The following LAMA1 variants were observed in gnomAD, a reference collection of about 807,000 sequenced individuals.
The protein encoded by LAMA1 is laminin subunit alpha-1.
A neutral mutation model predicts 348.7 loss-of-function variants in LAMA1; 219 were observed. The observed-to-expected ratio is 0.63, with a 90% CI of 0.56 to 0.70. LAMA1 has a LOEUF of 0.70. Ranked by LOEUF, LAMA1 falls within the 30% of genes least tolerant of loss-of-function variation. LAMA1 has a pLI of 0.00. For missense variants in LAMA1, 3,744 were observed against 3,888.0 expected, an observed-to-expected ratio of 0.96 and a Z score of 0.99; for synonymous variants, 1,487 against 1,491.0, an observed-to-expected ratio of 1.00 and a Z score of 0.06.
intron 31 of LAMA1, 88 bp downstream of exon 31, chr18:6,999,823 C>T: frequency 7.6e-7 from 1 of 1,320,488 alleles, no homozygotes; most frequent in South Asian, 1.2e-5. Flanking sequence ...TTGATAATGG[C>T]TCCCAGATTA....
At chr18:7,093,633 T>C (rs1221721837) in intron 1 of LAMA1, among the ~76,000 whole-genome samples, 1 of 152,012 alleles carries the variant, frequency 6.6e-6, no homozygotes, top group Non-Finnish European at 1.5e-5. Context: ...CTAGGAAAAA[T>C]GCTAACATGA....
In LAMA1 at chr18:7,117,457, G is replaced by C. The variant is rs909065651; in HGVS notation, c.61+203C>G. Among the ~76,000 whole-genome samples the C allele has an allele frequency of 3.3e-5, 5 of 152,262 alleles. No homozygotes were observed. In the East Asian group the frequency reaches 9.7e-4, roughly 30 times the overall value. The stretch of plus-strand genomic sequence containing the variant: ...GTTAAAGCCTAAGCCTGCAAAGAGC[G>C]GGCAGCGTCCGGCAGGAGCGGCGTC... On this transcript the variant is annotated intron_variant, in intron 1 of 62. Coordinates refer to ENST00000389658, the MANE Select transcript of LAMA1 (RefSeq NM_005559.4).
intron 46 of LAMA1, among the ~76,000 whole-genome samples, chr18:6,974,233 A>ATG (rs2057671204): frequency 6.6e-6 from 1 of 152,050 alleles, no homozygotes; most frequent in African/African-American, 2.4e-5. Context: ...TTTTAAAAAA[A>ATG]TTTTTTGAAT....
chr18:7,070,740 C>T (rs1244030056), intron 3 of LAMA1, among the ~76,000 whole-genome samples: 18 of 152,106 alleles, frequency 1.2e-4, no homozygotes, highest in Admixed American at 1.0e-3. Context: ...ATTTTCAATG[C>T]CATAGGGAAC....
intron 25 of LAMA1, among the ~76,000 whole-genome samples, chr18:7,011,042 T>A (rs1182337002): frequency 6.6e-6 from 1 of 152,226 alleles, no homozygotes; most frequent in Admixed American, 6.5e-5. Flanking sequence ...ACTGTATATG[T>A]CTGTTGAATG....
In LAMA1 at chr18:6,985,419, A is replaced by G; in HGVS notation, c.5497-19T>C. On this transcript the variant is annotated intron_variant, in intron 38 of 62. Transcript: ENST00000389658. ...CTAAGTGCTACATGGAGAAATTAATATTGTAAATATATGCACATCTACTTA... is the reference window on the plus strand; with the variant it reads ...CTAAGTGCTACATGGAGAAATTAATGTTGTAAATATATGCACATCTACTTA... 1 of 1,613,810 alleles carries G rather than the reference A, an allele frequency of 6.2e-7. No individual in the cohort carries two copies. Among genetic ancestry groups the G allele is most frequent in the Non-Finnish European group, 8.5e-7 (1 of 1,179,632 alleles).
chr18:6,976,920 T>C (rs1235784593), intron 44 of LAMA1, among the ~76,000 whole-genome samples: 1 of 152,196 alleles, frequency 6.6e-6, no homozygotes, highest in Non-Finnish European at 1.5e-5. Context: ...TGTATTTATT[T>C]AGCAATTGTA....
intron 41 of LAMA1, among the ~76,000 whole-genome samples, chr18:6,982,194 G>A (rs1045652818): frequency 6.6e-6 from 1 of 152,150 alleles, no homozygotes; most frequent in African/African-American, 2.4e-5. Context: ...CAGACACTAG[G>A]AAGAACAGTG....
chr18:6,985,865 TCTG>T, intron 37 of LAMA1, among the ~76,000 whole-genome samples: 1 of 152,222 alleles, frequency 6.6e-6, no homozygotes, highest in Admixed American at 6.5e-5. Context: ...TTCAAGCGAT[TCTG>T]CTGCCTCAGC....
chr18:7,116,618 T>C (rs952794902), intron 1 of LAMA1, among the ~76,000 whole-genome samples: 1 of 152,184 alleles, frequency 6.6e-6, no homozygotes, highest in Non-Finnish European at 1.5e-5. Context: ...TAATGAAGTT[T>C]ATATTCGTGG....
At position 7,015,843 on chromosome 18, in the gene LAMA1, T is replaced by G; in HGVS notation, c.3005A>C (p.His1002Pro). The G allele has an allele frequency of 6.2e-7, 1 of 1,614,134 alleles. No homozygotes were observed. The highest frequency in any genetic ancestry group is 8.5e-7 in the Non-Finnish European group (1 of 1,180,024). Residue 1002 changes from histidine (H) to proline (P), a missense_variant, in exon 22 of 63, where the codon CAC becomes CCC. Transcript: ENST00000389658. The stretch of plus-strand genomic sequence containing the variant: ...TTCTGGGTCGCAGGTATTCTGAGTG[T>G]GTGGGCAGTCACAGGCTGAAATAAA... ...DGSCTPCDCP[H>P]TQNTCDPETG...
chr18:7,065,006 G>A (rs2058116792), intron 3 of LAMA1, among the ~76,000 whole-genome samples: 1 of 151,586 alleles, frequency 6.6e-6, no homozygotes, highest in East Asian at 2.0e-4. Flanking sequence ...GAGGGGGGCA[G>A]GTGGATCACA....
chr18:7,080,344 G>A lies in LAMA1; in HGVS notation c.175C>T (p.Arg59Trp), dbSNP rs745969754. ...CGGCACTGTGGGTTTCGGACGGGCC[G>A]ACCTGGCACATGCTCCACAAGTTTG... Reference protein sequence around the residue: ...FCKLVEHVPGRPVRNPQCRIC... With the variant: ...FCKLVEHVPGWPVRNPQCRIC... The change falls in exon 2 of 63, where the codon CGG becomes TGG. Residue 59 changes from arginine to tryptophan, a missense_variant. By Grantham distance (101) the Arg-to-Trp change is moderately radical (BLOSUM62 -3). Around this residue, in one of 3 missense-constraint regions of LAMA1, gnomAD observed 1,529 missense variants for 1,689.4 expected, o/e 0.91. Transcript: ENST00000389658. 2.4e-5 allele frequency: 39 copies of A among 1,614,106 alleles called. No homozygotes were observed. The highest frequency in any genetic ancestry group is 8.3e-5 in the Admixed American group (5 of 60,012).
At chr18:7,100,881 G>T (rs1400412321) in intron 1 of LAMA1, among the ~76,000 whole-genome samples, 3 of 152,070 alleles carry the variant, frequency 2.0e-5, no homozygotes, top group Non-Finnish European at 4.4e-5. Flanking sequence ...GTGGTGGCAG[G>T]TGCCTGTAAT....
intron 11 of LAMA1, 131 bp downstream of exon 11, chr18:7,038,679 T>A: frequency 8.0e-7 from 1 of 1,243,118 alleles, no homozygotes; most frequent in Non-Finnish European, 1.2e-6. Context: ...TTGACCCACG[T>A]CAGTATCATT....
In LAMA1 at chr18:7,037,573, C is replaced by A. The variant is rs776319764; in HGVS notation, c.1737+5G>T. On this transcript the variant is annotated splice_donor_5th_base_variant and intron_variant, in intron 12 of 62. Transcript: ENST00000389658. ...AGACATCGCTACCTGCAGGGTCACA[C>A]GCACCTTATTTCCAAGGTAGGCCTC... 1 of 1,613,970 alleles carries A rather than the reference C, an allele frequency of 6.2e-7. No individual in the cohort carries two copies. Among genetic ancestry groups the A allele is most frequent in the South Asian group, 1.1e-5 (1 of 91,062 alleles).
intron 1 of LAMA1, among the ~76,000 whole-genome samples, chr18:7,105,281 A>C (rs2058307306): frequency 6.6e-6 from 1 of 151,976 alleles, no homozygotes; most frequent in African/African-American, 2.4e-5. Flanking sequence ...TCTCTACAAA[A>C]ATACAAAAAT....
chr18:7,048,972 C>G, intron 5 of LAMA1, 106 bp downstream of exon 5: 1 of 1,101,528 alleles, frequency 9.1e-7, no homozygotes, highest in Non-Finnish European at 1.3e-6. Context: ...AAAAGGCCAA[C>G]ATGTCGGGGA....
intron 6 of LAMA1, among the ~76,000 whole-genome samples, chr18:7,045,876 C>G (rs527899908): frequency 1.3e-5 from 2 of 150,582 alleles, no homozygotes; most frequent in South Asian, 4.2e-4. Flanking sequence ...TGATTTAGCA[C>G]CAAAAAAAAC....
Sources: allele counts gnomAD v4.1 joint callset (sites outside exome capture counted in the v4.1 genomes callset), GRCh38; gene constraint gnomAD v4.1.1; regional missense constraint gnomAD v4.1.1; transcripts MANE v1.5; gene names NCBI Gene and HGNC (gene_info 2026-07-23, HGNC 2026-07-21).